DAB1: variants seen among roughly 807,000 people sequenced by gnomAD.
DAB1 encodes disabled homolog 1.
Under a neutral mutation model 64.6 loss-of-function variants are expected in DAB1, and 15 were observed. The observed-to-expected ratio is 0.23, with a 90% CI of 0.16 to 0.36. The LOEUF is 0.36. DAB1 is among the 10% of genes least tolerant of loss of function. The probability of loss-of-function intolerance (pLI) is 1.00; values close to 1 mark genes in which losing one functional copy is unlikely to be tolerated. For missense variants in DAB1, 596 were observed against 706.7 expected (o/e 0.84, Z 1.78); for synonymous variants, 235 against 251.9 (o/e 0.93, Z 0.64).
chr1:57,318,821 G>T (rs1040810463), intron 1 of DAB1, among the ~76,000 whole-genome samples: 1 of 150,712 alleles, frequency 6.6e-6, no homozygotes, highest in Admixed American at 6.6e-5. Context: ...GGCTTGTTAC[G>T]TTGTGGTTTC....
chr1:58,250,141 C>T (rs1293967309), intron 4 of DAB1, among the ~76,000 whole-genome samples: 1 of 152,152 alleles, frequency 6.6e-6, no homozygotes, highest in East Asian at 1.9e-4. Flanking sequence ...GTCCGGGCAG[C>T]GCCCACTAGA....
At chr1:57,144,523 G>A (rs1168345250) in intron 3 of DAB1, among the ~76,000 whole-genome samples, 4 of 151,844 alleles carry the variant, frequency 2.6e-5, no homozygotes, top group South Asian at 4.2e-4. Context: ...GTGAAACCCC[G>A]TCTCTACTAA....
intron 2 of DAB1, among the ~76,000 whole-genome samples, chr1:57,278,263 A>G (rs1380021258): frequency 6.6e-6 from 1 of 152,168 alleles, no homozygotes; most frequent in Non-Finnish European, 1.5e-5. Flanking sequence ...GTAAAATGGG[A>G]GTATTATCAA....
chr1:58,152,712 A>C (rs1382172519), intron 4 of DAB1, among the ~76,000 whole-genome samples: 1 of 152,252 alleles, frequency 6.6e-6, no homozygotes, highest in African/African-American at 2.4e-5. Context: ...AGCCATTCAC[A>C]GCAATGACCA....
At chr1:58,283,206 G>A (rs747512440) in intron 4 of DAB1, among the ~76,000 whole-genome samples, 1 of 150,762 alleles carries the variant, frequency 6.6e-6, no homozygotes, top group Non-Finnish European at 1.5e-5. Flanking sequence ...CCATCTGTCA[G>A]TGCGCATATG....
chr1:58,075,298 C>T (rs1233115945), intron 5 of DAB1, among the ~76,000 whole-genome samples: 1 of 152,196 alleles, frequency 6.6e-6, no homozygotes, highest in East Asian at 1.9e-4. Flanking sequence ...CTTATTTACA[C>T]ATGGTGAGAT....
chr1:57,872,392 T>C (rs1457932880), intron 1 of DAB1, among the ~76,000 whole-genome samples: 4 of 152,302 alleles, frequency 2.6e-5, no homozygotes, highest in South Asian at 2.1e-4. Context: ...GGTATATCTA[T>C]GAACCAGGAA....
At chr1:57,778,181 G>C (rs1192989491) in intron 6 of DAB1, among the ~76,000 whole-genome samples, 1 of 151,964 alleles carries the variant, frequency 6.6e-6, no homozygotes, top group Non-Finnish European at 1.5e-5. Context: ...CATATGATAT[G>C]ATAGGCATAT....
intron 6 of DAB1, among the ~76,000 whole-genome samples, chr1:57,713,301 A>T (rs1212184059): frequency 6.6e-6 from 1 of 152,196 alleles, no homozygotes; most frequent in African/African-American, 2.4e-5. Flanking sequence ...GGGAGAAAAA[A>T]GTCAGTCTTG....
intron 6 of DAB1, among the ~76,000 whole-genome samples, chr1:57,764,165 C>T (rs989964216): frequency 3.3e-5 from 5 of 152,150 alleles, no homozygotes; most frequent in Non-Finnish European, 5.9e-5. Context: ...TCAAAGAAGG[C>T]AATCAGTCCC....
intron 4 of DAB1, among the ~76,000 whole-genome samples, chr1:57,074,379 G>A (rs1651793631): frequency 6.6e-6 from 1 of 152,120 alleles, no homozygotes; most frequent in Non-Finnish European, 1.5e-5. Context: ...AACCACTGGA[G>A]TAGATACTCT....
chr1:57,251,312 C>T (rs902941350), intron 2 of DAB1, among the ~76,000 whole-genome samples: 2 of 152,160 alleles, frequency 1.3e-5, no homozygotes, highest in African/African-American at 4.8e-5. Flanking sequence ...TTCTGAAAAC[C>T]CAGTCATTAT....
chr1:57,594,680 GA>G (rs1645484707), intron 7 of DAB1, among the ~76,000 whole-genome samples: 1 of 152,044 alleles, frequency 6.6e-6, no homozygotes, highest in Non-Finnish European at 1.5e-5. Context: ...TAGGGGATCA[GA>G]AAAATCACAA....
intron 2 of DAB1, among the ~76,000 whole-genome samples, chr1:57,261,204 C>T (rs1670156785): frequency 6.6e-6 from 1 of 152,110 alleles, no homozygotes; most frequent in African/African-American, 2.4e-5. Flanking sequence ...CCGCAAGAAA[C>T]ACGGTCACGG....
Position 57,585,162 on chromosome 1 carries a change from T to A in DAB1, n.625+64430A>T, listed in dbSNP as rs374340873. ...TACTCGGGAGGCTGAGGCAGGAGAA[T>A]CGCTCGAACCTGGGAGGCGGAGGGT... On this transcript the variant is annotated intron_variant and non_coding_transcript_variant, in intron 7 of 20. Coordinates refer to the DAB1 transcript ENST00000485760. Among the ~76,000 whole-genome samples, 6 of 137,252 alleles carry A rather than the reference T, an allele frequency of 4.4e-5. No individual in the cohort carries two copies. The South Asian group carries it at 9.4e-4, about 21-fold the overall frequency. The allele number at this position is 137,252 out of a possible 152,430, so 90.0% of individuals were successfully genotyped here. A position where few individuals can be genotyped will look rare whatever the true frequency, so the allele number is the denominator to read the frequency against.
intron 1 of DAB1, among the ~76,000 whole-genome samples, chr1:57,409,222 A>G (rs1683904274): frequency 1.3e-5 from 2 of 152,312 alleles, no homozygotes; most frequent in South Asian, 4.1e-4. Flanking sequence ...TTACTGATCT[A>G]GAGGTAGGTT....
At position 57,318,754 on chromosome 1, in the gene DAB1, A is replaced by AT. The variant is rs201415053; in HGVS notation, c.-136-27589dup. On this transcript the variant is annotated intron_variant, in intron 1 of 14. Coordinates refer to ENST00000371236, the MANE Select transcript of DAB1 (RefSeq NM_001365792.1). Reference sequence around the variant, plus strand: ...TGCAAAAAAAAAAAAAAAAAAAAAAATTTCATCGGATTCCTCAGCCTCTGG... The same window carrying AT: ...TGCAAAAAAAAAAAAAAAAAAAAAAATTTTCATCGGATTCCTCAGCCTCTGG... Among the ~76,000 whole-genome samples, 116 of 139,114 alleles carry AT rather than the reference A, an allele frequency of 8.3e-4. 3 individuals carry two copies. The highest frequency in any genetic ancestry group is 8.4e-4 in the Non-Finnish European group (54 of 64,502). 91.3% of individuals were successfully genotyped at this position (139,114 alleles called of 152,430 possible). A position where few individuals can be genotyped will look rare whatever the true frequency, so the allele number is the denominator to read the frequency against.
At chr1:57,308,429 C>T (rs1418062473) in intron 1 of DAB1, among the ~76,000 whole-genome samples, 1 of 152,128 alleles carries the variant, frequency 6.6e-6, no homozygotes, top group African/African-American at 2.4e-5. Flanking sequence ...ACTGGTATAT[C>T]AAATACTCCT....
chr1:57,404,993 C>T (rs1163179097), intron 1 of DAB1, among the ~76,000 whole-genome samples: 2 of 152,158 alleles, frequency 1.3e-5, no homozygotes, highest in African/African-American at 4.8e-5. Flanking sequence ...TACTAAGTTG[C>T]TCATGTTCTC....
Sources: gnomAD v4.1 joint callset for allele counts (sites outside exome capture counted in the v4.1 genomes callset) on GRCh38, gnomAD v4.1.1 for gene constraint, MANE v1.5 for transcripts, NCBI Gene and HGNC (gene_info 2026-07-23, HGNC 2026-07-21) for gene names.